PARP8: variants seen among roughly 807,000 people sequenced by gnomAD.
The protein encoded by PARP8 is protein mono-ADP-ribosyltransferase PARP8.
In PARP8, 51 loss-of-function variants were observed where a neutral mutation model predicts 124.1. That is an observed-to-expected ratio of 0.41 (90% confidence interval 0.33 to 0.52). The LOEUF is 0.52. Ranked by LOEUF, PARP8 falls within the 20% of genes least tolerant of loss-of-function variation. The pLI, the probability that PARP8 is intolerant of heterozygous loss-of-function variation, is 0.21. For synonymous variants in PARP8, 391 were observed against 361.5 expected (o/e 1.08, Z -0.93); for missense variants, 860 against 1,018.9 (o/e 0.84, Z 2.12).
chr5:50,778,047 CAG>C lies in PARP8; in HGVS notation c.519-21_519-20del, dbSNP rs754705235. On this transcript the variant is annotated intron_variant, in intron 7 of 25. Transcript: ENST00000281631. ...TTAAGCATCATTAAAATGAAAAAAACAGTGTTAATTTTTGCTTTCAGGGAATA... is the reference window on the plus strand; with the variant it reads ...TTAAGCATCATTAAAATGAAAAAAACTGTTAATTTTTGCTTTCAGGGAATA... 28 of 1,571,796 alleles carry C rather than the reference CAG, an allele frequency of 1.8e-5. No homozygotes were observed. Among genetic ancestry groups the C allele is most frequent in the Non-Finnish European group, 2.3e-5 (27 of 1,152,266 alleles).
intron 2 of PARP8, among the ~76,000 whole-genome samples, chr5:50,739,739 T>TG (rs1757850610): frequency 7.5e-6 from 1 of 132,592 alleles, no homozygotes; most frequent in Non-Finnish European, 1.6e-5. Flanking sequence ...TATATTTTTT[T>TG]TTTTTTTTTT....
At chr5:50,736,896 A>T (rs1173874530) in intron 2 of PARP8, among the ~76,000 whole-genome samples, 1 of 152,160 alleles carries the variant, frequency 6.6e-6, no homozygotes, top group Non-Finnish European at 1.5e-5. Context: ...GAGTTTGCAA[A>T]TCTAGAACCA....
rs1220956412 is a variant in PARP8 at position 50,761,898 on chromosome 5, G to T, written c.423G>T (p.Gln141His). 1.1e-5 allele frequency: 17 copies of T among 1,579,062 alleles called. No individual in the cohort carries two copies. The highest frequency in any genetic ancestry group is 1.3e-5 in the Non-Finnish European group (15 of 1,152,958). ...NDSEEFYYGGQVNYDGELHKH... is the reference protein window; with the variant it reads ...NDSEEFYYGGHVNYDGELHKH... ...CCGAAGAATTTTATTACGGAGGGCA[G>T]GTAAGGAAACCTGGTCTTCCAAATA... The change falls in exon 6 of 26, where the codon CAG (glutamine) becomes CAT (histidine). Residue 141 changes from glutamine (Q) to histidine (H), a missense_variant and splice_region_variant. Gln to His is a conservative substitution (Grantham distance 24). This residue lies in a region of PARP8 where 517 missense variants were observed against 544.2 expected (regional missense o/e 0.95). Coordinates refer to ENST00000281631, the MANE Select transcript of PARP8 (RefSeq NM_024615.4).
chr5:50,676,064 G>C (rs1438175732), intron 2 of PARP8, among the ~76,000 whole-genome samples: 2 of 152,136 alleles, frequency 1.3e-5, no homozygotes, highest in African/African-American at 4.8e-5. Flanking sequence ...TTAATGATTG[G>C]CTTTTTAGAA....
chr5:50,802,002 A>C (rs1743281954), intron 14 of PARP8, among the ~76,000 whole-genome samples: 1 of 152,176 alleles, frequency 6.6e-6, no homozygotes, highest in Non-Finnish European at 1.5e-5. Flanking sequence ...AATGTCTTTA[A>C]AACTAAAGTG....
chr5:50,795,390 A>G lies in PARP8; in HGVS notation c.1401A>G (p.Pro467=). 1.3e-6 allele frequency: 2 copies of G among 1,595,460 alleles called. No individual in the cohort carries two copies. Among genetic ancestry groups the G allele is most frequent in the African/African-American group, 1.4e-5 (1 of 73,488 alleles). The change falls in exon 12 of 26, where the codon CCA becomes CCG. Residue 467 remains proline (P), a synonymous_variant. Transcript: ENST00000281631. The part of the protein sequence containing the change: ...LTSGLIGILT[P]SSSSSSQLAP... The stretch of plus-strand genomic sequence containing the variant: ...CAGGGCTTATTGGTATCCTAACACC[A>G]TCTTCATCTTCATCTTCTCAGCTTG...
intron 7 of PARP8, among the ~76,000 whole-genome samples, chr5:50,773,933 A>G (rs154141): frequency 0.11 from 15,982 of 151,722 alleles, 877 homozygotes; most frequent in South Asian, 0.16. Flanking sequence ...GAAGGTCAGC[A>G]GATAAACACG....
At chr5:50,706,776 TAAG>T (rs1421248217) in intron 2 of PARP8, among the ~76,000 whole-genome samples, 2 of 151,996 alleles carry the variant, frequency 1.3e-5, no homozygotes, top group Non-Finnish European at 1.5e-5. Flanking sequence ...GAAGTAATAA[TAAG>T]AAGAAAGAGA....
chr5:50,678,083 C>T (rs1750843081), intron 2 of PARP8, among the ~76,000 whole-genome samples: 1 of 152,050 alleles, frequency 6.6e-6, no homozygotes. Flanking sequence ...GAGTAAATCA[C>T]ATTTTTATAT....
At chr5:50,728,294 G>T (rs1756631309) in intron 2 of PARP8, among the ~76,000 whole-genome samples, 1 of 152,164 alleles carries the variant, frequency 6.6e-6, no homozygotes, top group Non-Finnish European at 1.5e-5. Flanking sequence ...TATAAGTGAT[G>T]AATTGATGCT....
At chr5:50,833,481 A>T (rs1041339174) in intron 23 of PARP8, 4 of 429,078 alleles carry the variant, frequency 9.3e-6, no homozygotes, top group South Asian at 3.3e-5. Context: ...CTTTAAATTT[A>T]AAAAAAGAGA....
chr5:50,772,297 G>C (rs1449824916), intron 7 of PARP8, among the ~76,000 whole-genome samples: 1 of 152,168 alleles, frequency 6.6e-6, no homozygotes, highest in African/African-American at 2.4e-5. Flanking sequence ...GTTGTGAATA[G>C]TGTTGCAATA....
rs114647526 is a variant in PARP8, at chr5:50,773,631, A to G, written c.519-4438A>G. Among the ~76,000 whole-genome samples, 844 of 152,060 alleles carry G rather than the reference A, an allele frequency of 5.6e-3. 7 individuals are homozygous for G. Among genetic ancestry groups the G allele is most frequent in the African/African-American group, 0.019 (790 of 41,498 alleles). The stretch of plus-strand genomic sequence containing the variant: ...GTTCTTTTTGCTCAGTGCCTTGGCT[A>G]TTTGGGGTCTTTTGTGCTTTCATGT... On this transcript the variant is annotated intron_variant, in intron 7 of 25. Transcript: ENST00000281631.
intron 3 of PARP8, among the ~76,000 whole-genome samples, chr5:50,750,391 C>T (rs957823325): frequency 2.0e-5 from 3 of 151,930 alleles, no homozygotes; most frequent in African/African-American, 7.2e-5. Context: ...AAATAATTTC[C>T]CAATGAAAAG....
chr5:50,779,468 T>G (rs982774393), intron 9 of PARP8, among the ~76,000 whole-genome samples: 4 of 152,158 alleles, frequency 2.6e-5, no homozygotes, highest in African/African-American at 9.7e-5. Flanking sequence ...GATGCAGGTG[T>G]CATCTAGGGA....
intron 9 of PARP8, 136 bp downstream of exon 9, chr5:50,778,786 A>G (rs1740327178): frequency 2.2e-6 from 1 of 448,318 alleles, no homozygotes; most frequent in Non-Finnish European, 3.9e-6. Flanking sequence ...AGAAGCTTGC[A>G]GTCTAAGAAA....
intron 10 of PARP8, among the ~76,000 whole-genome samples, chr5:50,791,831 A>G (rs1457098494): frequency 2.0e-5 from 3 of 152,198 alleles, no homozygotes; most frequent in African/African-American, 7.2e-5. Flanking sequence ...AGAGCTCCAC[A>G]TTTGTAAAAC....
chr5:50,835,796 A>G (rs535710177), intron 25 of PARP8, among the ~76,000 whole-genome samples: 41 of 152,260 alleles, frequency 2.7e-4, no homozygotes, highest in African/African-American at 9.4e-4. Flanking sequence ...CTGTATCATA[A>G]GAGTTGCATT....
intron 21 of PARP8, 151 bp from the exon 22 acceptor site, chr5:50,829,741 T>G: frequency 3.3e-6 from 2 of 610,526 alleles, no homozygotes; most frequent in South Asian, 9.0e-5. Context: ...CACAAGGATA[T>G]TAGTACTGTT....
Sources: allele counts gnomAD v4.1 joint callset (sites outside exome capture counted in the v4.1 genomes callset), GRCh38; gene constraint gnomAD v4.1.1; regional missense constraint gnomAD v4.1.1; transcripts MANE v1.5; gene names NCBI Gene and HGNC (gene_info 2026-07-23, HGNC 2026-07-21).